Variants in LHPP observed in about 807,000 individuals in gnomAD.
LHPP encodes the protein hLHPP.
A neutral mutation model predicts 30.3 loss-of-function variants in LHPP; 24 were observed. The observed-to-expected ratio is 0.79, with a 90% CI of 0.57 to 1.11. The LOEUF is 1.11. Ranked by LOEUF, LHPP falls within the 50% of genes most tolerant of loss-of-function variation. The probability of loss-of-function intolerance (pLI) is 0.00; values close to 1 mark genes in which losing one functional copy is unlikely to be tolerated. For synonymous variants in LHPP, 150 were observed against 157.1 expected, an observed-to-expected ratio of 0.95 and a Z score of 0.34; for missense variants, 356 against 367.2, an observed-to-expected ratio of 0.97 and a Z score of 0.25.
chr10:124,488,629 A>C (rs1291723719), intron 3 of LHPP, 54 bp downstream of exon 3: 1 of 1,516,776 alleles, frequency 6.6e-7, no homozygotes, highest in Non-Finnish European at 8.9e-7. Context: ...ATGCTGTGCC[A>C]GTCTCCAACT....
intron 6 of LHPP, among the ~76,000 whole-genome samples, chr10:124,534,209 T>C (rs1954965110): frequency 6.6e-6 from 1 of 152,258 alleles, no homozygotes; most frequent in Non-Finnish European, 1.5e-5. Context: ...GCCCTGCATG[T>C]CATAGGCTTG....
intron 1 of LHPP, among the ~76,000 whole-genome samples, chr10:124,477,193 ACT>A (rs1047052750): frequency 5.3e-5 from 8 of 152,132 alleles, no homozygotes; most frequent in African/African-American, 1.7e-4. Flanking sequence ...ACGGAGTGAG[ACT>A]CTGTCTCAAA....
intron 6 of LHPP, among the ~76,000 whole-genome samples, chr10:124,589,899 C>T (rs556193490): frequency 9.8e-5 from 15 of 152,290 alleles, no homozygotes; most frequent in African/African-American, 3.1e-4. Flanking sequence ...GCGCCCTGGC[C>T]GCCAGGCTGG....
At chr10:124,502,857 A>G (rs1252924137) in intron 5 of LHPP, among the ~76,000 whole-genome samples, 4 of 149,146 alleles carry the variant, frequency 2.7e-5, no homozygotes, top group Non-Finnish European at 4.4e-5. Context: ...TTGTATTTTT[A>G]GTAGAGACAG....
intron 1 of LHPP, among the ~76,000 whole-genome samples, chr10:124,482,435 T>C (rs1417778106): frequency 1.3e-5 from 2 of 152,196 alleles, no homozygotes; most frequent in African/African-American, 4.8e-5. Context: ...CTGATTAATT[T>C]TACTAGGGTT....
intron 1 of LHPP, among the ~76,000 whole-genome samples, chr10:124,477,073 C>T (rs1015025642): frequency 2.6e-5 from 4 of 152,144 alleles, no homozygotes; most frequent in South Asian, 2.1e-4. Flanking sequence ...CATGGTGGCA[C>T]GCGCCTGTAG....
At chr10:124,549,613 T>C (rs1589855054) in intron 6 of LHPP, among the ~76,000 whole-genome samples, 1 of 152,350 alleles carries the variant, frequency 6.6e-6, no homozygotes, top group Middle Eastern at 3.4e-3. Flanking sequence ...CATTTTTTAC[T>C]TTTTTCCCCT....
chr10:124,485,395 G>T (rs1953293629), intron 2 of LHPP, among the ~76,000 whole-genome samples: 4 of 151,960 alleles, frequency 2.6e-5, no homozygotes, highest in Admixed American at 2.0e-4. Context: ...CAGTGAATCA[G>T]ACAAGCAGAC....
At chr10:124,582,916 C>G (rs1948760566) in intron 6 of LHPP, among the ~76,000 whole-genome samples, 1 of 151,738 alleles carries the variant, frequency 6.6e-6, no homozygotes, top group South Asian at 2.1e-4. Flanking sequence ...AGGTCTTTAT[C>G]TTCATTGTCT....
intron 6 of LHPP, among the ~76,000 whole-genome samples, chr10:124,580,360 T>G (rs569995179): frequency 6.6e-6 from 1 of 152,396 alleles, no homozygotes; most frequent in African/African-American, 2.4e-5. Context: ...GAAAGAAGGA[T>G]ATTCTACATT....
intron 1 of LHPP, among the ~76,000 whole-genome samples, chr10:124,477,738 G>T (rs1952996347): frequency 6.6e-6 from 1 of 152,132 alleles, no homozygotes; most frequent in Admixed American, 6.5e-5. Flanking sequence ...TGCCAGTCTC[G>T]GCCCCTGTGA....
At position 124,473,236 on chromosome 10, in the gene LHPP, C is replaced by T. The variant is rs191180561; in HGVS notation, c.126-10903C>T. On this transcript the variant is annotated intron_variant, in intron 1 of 6. Coordinates refer to ENST00000368842, the MANE Select transcript of LHPP (RefSeq NM_022126.4). ...CCTACCCCCAGTGCCCCACAACGTG[C>T]AAGAAGCCATATTGGCAAAGCAGTG... Among the ~76,000 whole-genome samples the T allele has an allele frequency of 1.9e-4, 29 of 152,278 alleles. No individual in the cohort carries two copies. The East Asian group carries it at 5.6e-3, about 29-fold the overall frequency.
At chr10:124,467,038 T>A (rs1176153018) in intron 1 of LHPP, among the ~76,000 whole-genome samples, 1 of 151,708 alleles carries the variant, frequency 6.6e-6, no homozygotes, top group South Asian at 2.1e-4. Context: ...GCAGGAGAAC[T>A]GCCTGAGCCC....
chr10:124,605,405 G>A (rs557534439), intron 6 of LHPP: 1 of 152,408 alleles, frequency 6.6e-6, no homozygotes, highest in Non-Finnish European at 1.5e-5. Context: ...TGAAGTGGCA[G>A]AGCAGCCCCC....
chr10:124,550,054 A>T (rs1240018582), intron 6 of LHPP, among the ~76,000 whole-genome samples: 1 of 152,218 alleles, frequency 6.6e-6, no homozygotes, highest in Admixed American at 6.5e-5. Context: ...CCAGTGCTGG[A>T]TCTCAGAGGC....
At chr10:124,544,501 A>ACAGGGGAGCAGGCGTGCT (rs1360657837) in intron 6 of LHPP, among the ~76,000 whole-genome samples, 1 of 152,180 alleles carries the variant, frequency 6.6e-6, no homozygotes, top group Non-Finnish European at 1.5e-5. Context: ...TGGGTGGATC[A>ACAGGGGAGCAGGCGTGCT]CAGGGGAGCA....
In LHPP at chr10:124,578,958, A is replaced by T. The variant is rs548277736; in HGVS notation, c.717-34306A>T. 3.1e-3 allele frequency among the ~76,000 whole-genome samples: 198 copies of T among 63,970 alleles called. 6 individuals carry two copies. The South Asian group carries it at 0.12, about 38-fold the overall frequency. 42.0% of individuals were successfully genotyped at this position (63,970 alleles called of 152,430 possible). ...AAGGGATTCCCAGGGGCAGGATAGCACGGACGGGGGGGTCCGCTGTGTAAG... is the reference window on the plus strand; with the variant it reads ...AAGGGATTCCCAGGGGCAGGATAGCTCGGACGGGGGGGTCCGCTGTGTAAG... On this transcript the variant is annotated intron_variant, in intron 6 of 6. Coordinates refer to ENST00000368842, the MANE Select transcript of LHPP (RefSeq NM_022126.4).
intron 6 of LHPP, among the ~76,000 whole-genome samples, chr10:124,524,328 G>A (rs1296886986): frequency 1.2e-4 from 18 of 147,800 alleles, no homozygotes; most frequent in African/African-American, 4.5e-4. Flanking sequence ...CCAGGCTGGA[G>A]TGCAGTAGCA....
intron 1 of LHPP, among the ~76,000 whole-genome samples, chr10:124,483,047 C>G (rs928050580): frequency 3.3e-5 from 5 of 151,936 alleles, no homozygotes; most frequent in African/African-American, 7.2e-5. Flanking sequence ...TTGGTGCGTT[C>G]TGAGAACTTG....
Sources: allele counts gnomAD v4.1 joint callset (sites outside exome capture counted in the v4.1 genomes callset), GRCh38; gene constraint gnomAD v4.1.1; transcripts MANE v1.5; gene names NCBI Gene and HGNC (gene_info 2026-07-23, HGNC 2026-07-21).